Variants in NAT1 observed in about 807,000 individuals in gnomAD.
NAT1 encodes the protein N-acetyltransferase 1.
For missense variants in NAT1, 400 were observed against 339.2 expected, an observed-to-expected ratio of 1.18 and a Z score of -1.41; for synonymous variants, 144 against 122.6, an observed-to-expected ratio of 1.17 and a Z score of -1.16.
chr8:18,212,423 C>T (rs1198766739), intron 1 of NAT1: 1 of 152,264 alleles, frequency 6.6e-6, no homozygotes, highest in African/African-American at 2.4e-5. Flanking sequence ...TGACTTAAGT[C>T]AGGTTCCCCC....
intron 2 of NAT1, among the ~76,000 whole-genome samples, chr8:18,190,512 G>T (rs141459011): frequency 6.6e-6 from 1 of 152,258 alleles, no homozygotes; most frequent in African/African-American, 2.4e-5. Flanking sequence ...TAGCCCAGGC[G>T]AAAAACTTTC....
upstream of NAT1, among the ~76,000 whole-genome samples, chr8:18,205,515 C>T (rs2117307421): frequency 6.6e-6 from 1 of 152,234 alleles, no homozygotes; most frequent in South Asian, 2.1e-4. Flanking sequence ...GCAGGGCTGG[C>T]TGGCTCTGTG....
intron 2 of NAT1, among the ~76,000 whole-genome samples, chr8:18,192,506 C>A (rs1166161937): frequency 6.6e-6 from 1 of 152,124 alleles, no homozygotes; most frequent in African/African-American, 2.4e-5. Flanking sequence ...ACCCAATGGA[C>A]TATAAATCAT....
chr8:18,179,293 C>G (rs549054754), intron 2 of NAT1, among the ~76,000 whole-genome samples: 3 of 152,206 alleles, frequency 2.0e-5, no homozygotes, highest in African/African-American at 7.2e-5. Context: ...TTGATAATAG[C>G]AGCAGATAAG....
chr8:18,172,904 C>A (rs1802149802), intron 2 of NAT1, among the ~76,000 whole-genome samples: 1 of 152,068 alleles, frequency 6.6e-6, no homozygotes. Flanking sequence ...CTAAAACGAG[C>A]TGTTGTATCT....
At chr8:18,171,977 ACTGT>A (rs1325590268) in intron 2 of NAT1, among the ~76,000 whole-genome samples, 1 of 152,146 alleles carries the variant, frequency 6.6e-6, no homozygotes, top group Non-Finnish European at 1.5e-5. Flanking sequence ...ATTCTAACTC[ACTGT>A]CTTTCAGCAA....
chr8:18,170,502 A>G (rs777190195), exon 1 of NAT1: 4 of 152,186 alleles, frequency 2.6e-5, no homozygotes, highest in Non-Finnish European at 4.4e-5. Flanking sequence ...AAACTGCACA[A>G]ATCAGGTAGT....
At chr8:18,172,074 A>G (rs1035059832) in intron 2 of NAT1, among the ~76,000 whole-genome samples, 1 of 152,178 alleles carries the variant, frequency 6.6e-6, no homozygotes. Flanking sequence ...CTCCTGCTCT[A>G]CTACCTCTAA....
intron 2 of NAT1, among the ~76,000 whole-genome samples, chr8:18,178,709 G>T (rs1802387557): frequency 6.6e-6 from 1 of 152,156 alleles, no homozygotes; most frequent in African/African-American, 2.4e-5. Context: ...ATTCCTTTGA[G>T]AGAGGAAGGA....
At chr8:18,199,715 G>C (rs1400979018) in intron 2 of NAT1, among the ~76,000 whole-genome samples, 1 of 152,176 alleles carries the variant, frequency 6.6e-6, no homozygotes, top group Non-Finnish European at 1.5e-5. Flanking sequence ...ACTGGTGACG[G>C]CTGCAGTTTT....
intron 2 of NAT1, chr8:18,201,270 C>T (rs974595590): frequency 6.6e-6 from 1 of 152,076 alleles, no homozygotes; most frequent in Non-Finnish European, 1.5e-5. Context: ...AAACTCATTA[C>T]CAATTCAACT....
chr8:18,178,172 A>G (rs1007945091), intron 2 of NAT1, among the ~76,000 whole-genome samples: 1 of 152,056 alleles, frequency 6.6e-6, no homozygotes, highest in African/African-American at 2.4e-5. Context: ...ACTTAAGAGC[A>G]GGAGATGCAA....
chr8:18,202,715 G>A (rs1803517501), intron 2 of NAT1, among the ~76,000 whole-genome samples: 1 of 152,098 alleles, frequency 6.6e-6, no homozygotes, highest in Admixed American at 6.6e-5. Flanking sequence ...GGAATGAAGC[G>A]GCAGACCCTG....
intron 2 of NAT1, among the ~76,000 whole-genome samples, chr8:18,190,619 C>T (rs144987585): frequency 6.6e-4 from 100 of 152,310 alleles, no homozygotes; most frequent in African/African-American, 2.2e-3. Flanking sequence ...CTCTCCAGGA[C>T]GTGGTGGTGA....
intron 2 of NAT1, among the ~76,000 whole-genome samples, chr8:18,178,210 C>T (rs1017612667): frequency 2.0e-5 from 3 of 152,028 alleles, no homozygotes; most frequent in Non-Finnish European, 4.4e-5. Context: ...TTCTAGGAAC[C>T]TCTGTTTAGC....
intron 2 of NAT1, among the ~76,000 whole-genome samples, chr8:18,184,901 C>A (rs868145242): frequency 6.6e-6 from 1 of 152,204 alleles, no homozygotes; most frequent in Non-Finnish European, 1.5e-5. Context: ...AATTCTATGA[C>A]ATTTTATCAA....
upstream of NAT1, among the ~76,000 whole-genome samples, chr8:18,208,141 G>T (rs1466859567): frequency 2.0e-5 from 3 of 152,028 alleles, no homozygotes; most frequent in Non-Finnish European, 4.4e-5. Flanking sequence ...GGTATGGGGA[G>T]GGAGCGCATC....
upstream of NAT1, among the ~76,000 whole-genome samples, chr8:18,206,498 A>G (rs147529126): frequency 5.3e-3 from 803 of 152,136 alleles, 7 homozygotes; most frequent in African/African-American, 0.018. Flanking sequence ...AAAGATGCGC[A>G]CTCTTGCCAT....
At chr8:18,201,036 G>A (rs866980040) in intron 2 of NAT1, 7 of 152,282 alleles carry the variant, frequency 4.6e-5, no homozygotes, top group African/African-American at 1.7e-4. Flanking sequence ...TGGGTAATAT[G>A]GATGCTAAAA....
Sources: allele counts gnomAD v4.1 joint callset (sites outside exome capture counted in the v4.1 genomes callset), GRCh38; gene constraint gnomAD v4.1.1; transcripts MANE v1.5; gene names NCBI Gene and HGNC (gene_info 2026-07-23, HGNC 2026-07-21).